The following TSHR variants were observed in gnomAD, a reference collection of about 807,000 sequenced individuals.
The protein encoded by TSHR is thyroid stimulating hormone receptor, also known as thyrotropin receptor.
TSHR carries 51 observed loss-of-function variants against 64.1 expected under a neutral mutation model. That is an observed-to-expected ratio of 0.80 (90% CI 0.64 to 1.01). The LOEUF is 1.01. TSHR is among the 50% of genes least tolerant of loss of function. TSHR has a pLI of 0.00. For missense variants in TSHR, 877 were observed against 942.8 expected, an observed-to-expected ratio of 0.93 and a Z score of 0.91; for synonymous variants, 361 against 361.9, an observed-to-expected ratio of 1.00 and a Z score of 0.03.
chr14:81,081,033 C>A (rs1161981612), intron 3 of TSHR, among the ~76,000 whole-genome samples: 1 of 152,056 alleles, frequency 6.6e-6, no homozygotes, highest in African/African-American at 2.4e-5. Flanking sequence ...AATACTAAGC[C>A]AGGCGCAGAG....
At chr14:81,114,762 G>A (rs1222202072) in intron 8 of TSHR, among the ~76,000 whole-genome samples, 2 of 152,172 alleles carry the variant, frequency 1.3e-5, no homozygotes, top group Non-Finnish European at 2.9e-5. Flanking sequence ...AGTAACCTCC[G>A]CAGACTTAAA....
intron 1 of TSHR, among the ~76,000 whole-genome samples, chr14:80,963,822 G>A (rs1012075615): frequency 1.3e-5 from 2 of 152,224 alleles, no homozygotes; most frequent in Admixed American, 6.5e-5. Flanking sequence ...AAAAGTCGGA[G>A]AGACCTTCTG....
At chr14:80,966,238 T>G (rs1887291989) in intron 1 of TSHR, among the ~76,000 whole-genome samples, 2 of 152,154 alleles carry the variant, frequency 1.3e-5, no homozygotes, top group Non-Finnish European at 2.9e-5. Flanking sequence ...AGGCTACTTT[T>G]AGGAAAGGGC....
intron 3 of TSHR, among the ~76,000 whole-genome samples, chr14:81,081,369 G>C (rs2139947323): frequency 6.6e-6 from 1 of 152,028 alleles, no homozygotes; most frequent in African/African-American, 2.4e-5. Flanking sequence ...TTATTATAAA[G>C]GATATTACAA....
At chr14:81,081,558 T>A (rs1321122029) in intron 3 of TSHR, among the ~76,000 whole-genome samples, 1 of 152,196 alleles carries the variant, frequency 6.6e-6, no homozygotes, top group Non-Finnish European at 1.5e-5. Flanking sequence ...TATAGTCAGA[T>A]GAAATTAACT....
intron 8 of TSHR, among the ~76,000 whole-genome samples, chr14:81,138,187 A>ATTTTT (rs368195048): frequency 1.5e-5 from 2 of 130,380 alleles, no homozygotes; most frequent in Non-Finnish European, 1.6e-5. Flanking sequence ...GCCAAGGGTA[A>ATTTTT]TTTTTTTTTT....
intron 1 of TSHR, among the ~76,000 whole-genome samples, chr14:81,061,291 T>C (rs1190479319): frequency 6.6e-6 from 1 of 152,144 alleles, no homozygotes; most frequent in Non-Finnish European, 1.5e-5. Context: ...AAGTACATGC[T>C]ATAAATTCAG....
chr14:80,967,557 T>C (rs1327436381), intron 1 of TSHR, among the ~76,000 whole-genome samples: 1 of 152,092 alleles, frequency 6.6e-6, no homozygotes, highest in Non-Finnish European at 1.5e-5. Flanking sequence ...AATGCTGGGA[T>C]TACAAGTGTA....
At chr14:81,054,748 T>C (rs1477012092) in intron 1 of TSHR, among the ~76,000 whole-genome samples, 1 of 152,108 alleles carries the variant, frequency 6.6e-6, no homozygotes, top group Admixed American at 6.6e-5. Context: ...TCTCTATATA[T>C]CTGGTGGAAG....
rs141432185 is a variant in TSHR at position 81,095,898 on chromosome 14, G to A, written c.546-741G>A. On this transcript the variant is annotated intron_variant, in intron 6 of 9. Coordinates refer to ENST00000298171, the MANE Select transcript of TSHR (RefSeq NM_000369.5). ...CTACAACAAATACAAAAATTAGCCA[G>A]GCATGGTGGCACATGCCTATAGTCC... Among the ~76,000 whole-genome samples the A allele has an allele frequency of 1.1e-4, 16 of 152,204 alleles. 1 individual carries two copies. In the East Asian group the frequency reaches 3.1e-3, roughly 29 times the overall value.
At chr14:81,080,898 C>T (rs1419026206) in intron 3 of TSHR, among the ~76,000 whole-genome samples, 2 of 151,938 alleles carry the variant, frequency 1.3e-5, no homozygotes, top group Admixed American at 6.6e-5. Flanking sequence ...ATAAATTTTC[C>T]CTAAGAAAAT....
chr14:81,029,193 T>C (rs531796055), intron 1 of TSHR, among the ~76,000 whole-genome samples: 5 of 152,244 alleles, frequency 3.3e-5, no homozygotes, highest in African/African-American at 7.2e-5. Context: ...CCTTTTCCCA[T>C]GTAAAATTTA....
chr14:81,039,570 A>T (rs1234269081), intron 1 of TSHR, among the ~76,000 whole-genome samples: 2 of 151,986 alleles, frequency 1.3e-5, no homozygotes, highest in African/African-American at 4.8e-5. Flanking sequence ...TATTAAAAAA[A>T]CCCTAAAGAC....
rs917552399 is a variant in TSHR, at chr14:81,144,518, G to C, written c.*165G>C. On this transcript the variant is annotated 3_prime_UTR_variant, in exon 10 of 10. Coordinates refer to ENST00000298171, the MANE Select transcript of TSHR (RefSeq NM_000369.5). ...AGAGTTTATCTCTGGAGAGTGATTA[G>C]TATTAACCTAATCATTGCCCCCAAG... is the stretch of plus-strand genomic sequence containing the variant. 3.3e-5 allele frequency: 24 copies of C among 721,218 alleles called. No individual in the cohort carries two copies. In the East Asian group the frequency reaches 5.6e-4, roughly 17 times the overall value. 44.7% of individuals were successfully genotyped at this position (721,218 alleles called of 1,614,324 possible).
At chr14:80,992,647 G>A (rs1449752587) in intron 1 of TSHR, 1 of 152,152 alleles carries the variant, frequency 6.6e-6, no homozygotes, top group Admixed American at 6.5e-5. Context: ...AATGCTTGCT[G>A]AATGCAGCAA....
chr14:80,986,140 ATTG>A (rs1888434946), intron 1 of TSHR, among the ~76,000 whole-genome samples: 1 of 152,176 alleles, frequency 6.6e-6, no homozygotes, highest in South Asian at 2.1e-4. Context: ...ATTTGAAATA[ATTG>A]TTATGTTTTA....
chr14:81,104,411 C>A, intron 7 of TSHR: 1 of 985,412 alleles, frequency 1.0e-6, no homozygotes, highest in Non-Finnish European at 1.2e-6. Context: ...CATCTTGGAG[C>A]TGCAATGTAT....
chr14:81,053,615 G>C (rs1257223337), intron 1 of TSHR: 2 of 152,154 alleles, frequency 1.3e-5, no homozygotes. Context: ...TAGATCACTG[G>C]TATGAGTGAA....
At chr14:80,956,787 C>CT (rs1481379342) in intron 1 of TSHR, among the ~76,000 whole-genome samples, 1 of 152,130 alleles carries the variant, frequency 6.6e-6, no homozygotes, top group Admixed American at 6.5e-5. Flanking sequence ...GACTATTTAA[C>CT]AGTAGATGAA....
Sources: gnomAD v4.1 joint callset for allele counts (sites outside exome capture counted in the v4.1 genomes callset) on GRCh38, gnomAD v4.1.1 for gene constraint, MANE v1.5 for transcripts, NCBI Gene and HGNC (gene_info 2026-07-23, HGNC 2026-07-21) for gene names.